KCNQ1: variants seen among roughly 807,000 people sequenced by gnomAD.
KCNQ1 encodes potassium voltage-gated channel subfamily KQT member 1.
Under a neutral mutation model 72.4 loss-of-function variants are expected in KCNQ1, and 49 were observed. The observed-to-expected ratio is 0.68, with a 90% CI of 0.54 to 0.86. The LOEUF (loss-of-function observed/expected upper bound fraction) is 0.86, where lower values mean the gene tolerates loss of function less well. Among genes scored for constraint, KCNQ1 ranks in the 40% least tolerant of loss-of-function variants. The pLI is 0.00. For synonymous variants in KCNQ1, 450 were observed against 412.6 expected (o/e 1.09, Z -1.10); for missense variants, 790 against 945.1 (o/e 0.84, Z 2.15).
In KCNQ1 at chr11:2,654,632, C is replaced by T. The variant is rs1849810207; in HGVS notation, c.1394-7329C>T. The T allele has an allele frequency of 2.5e-6, 1 of 398,668 alleles. No homozygotes were observed. The highest frequency in any genetic ancestry group is 4.4e-6 in the Non-Finnish European group (1 of 226,250). 24.7% of individuals were successfully genotyped at this position (398,668 alleles called of 1,614,324 possible). A position where few individuals can be genotyped will look rare whatever the true frequency, so the allele number is the denominator to read the frequency against. ...GAAGTTACTAGGAAGGGCCCAGACA[C>T]TGGCGAGAGTCTCTTGAGGGCAGAG... is the stretch of plus-strand genomic sequence containing the variant. On this transcript the variant is annotated intron_variant, in intron 10 of 15. Coordinates refer to ENST00000155840, the MANE Select transcript of KCNQ1 (RefSeq NM_000218.3). The surrounding 1 kb of genome is among the most constrained non-coding windows in gnomAD (Gnocchi z 6.4).
chr11:2,523,207 T>C (rs7111699), intron 1 of KCNQ1, among the ~76,000 whole-genome samples: 11,598 of 151,878 alleles, frequency 0.076, 645 homozygotes, highest in African/African-American at 0.15. Context: ...AATTTTTTTT[T>C]TTTTGTGGTG....
chr11:2,593,402 C>T lies in KCNQ1; in HGVS notation c.1393+4548C>T, dbSNP rs887832142. Among the ~76,000 whole-genome samples the T allele has an allele frequency of 3.3e-5, 5 of 152,114 alleles. No homozygotes were observed. Among genetic ancestry groups the T allele is most frequent in the Non-Finnish European group, 7.4e-5 (5 of 68,004 alleles). On this transcript the variant is annotated intron_variant, in intron 10 of 15. Coordinates refer to ENST00000155840, the MANE Select transcript of KCNQ1 (RefSeq NM_000218.3). The surrounding 1 kb of genome is among the most constrained non-coding windows in gnomAD (Gnocchi z 6.9). ...CAGAGGCCTTTTGCTGCTCAGAGAA[C>T]ACTGGGCTGTAAGGTCGTGGTCTGT...
chr11:2,689,932 C>G, intron 11 of KCNQ1: 1 of 398,814 alleles, frequency 2.5e-6, no homozygotes, highest in Non-Finnish European at 4.4e-6. Flanking sequence ...CCCAGGCTGC[C>G]TCACCCAACG....
chr11:2,599,682 C>G lies in KCNQ1; in HGVS notation c.1393+10828C>G, dbSNP rs994871206. 6.6e-6 allele frequency among the ~76,000 whole-genome samples: 1 copy of G among 152,192 alleles called. No homozygotes were observed. The highest frequency in any genetic ancestry group is 2.4e-5 in the African/African-American group (1 of 41,456). ...GGCTGCTTTCCCTGAGGCCTCTTTC[C>G]TTGCCTTGCAGATGGCCGCCTTCTT... On this transcript the variant is annotated intron_variant, in intron 10 of 15. Transcript: ENST00000155840. The surrounding 1 kb of genome is among the most constrained non-coding windows in gnomAD (Gnocchi z 4.7).
In KCNQ1 at chr11:2,658,103, A is replaced by G. The variant is rs1194913779; in HGVS notation, c.1394-3858A>G. Reference sequence around the variant, plus strand: ...GGGGTTCAACTCTACCTCCTGCAGGAGAGTATCAAAAAAAATCTGCAAATA... The same window carrying G: ...GGGGTTCAACTCTACCTCCTGCAGGGGAGTATCAAAAAAAATCTGCAAATA... On this transcript the variant is annotated intron_variant, in intron 10 of 15. Transcript: ENST00000155840. The surrounding 1 kb of genome is among the most constrained non-coding windows in gnomAD (Gnocchi z 4.9). The G allele has an allele frequency of 2.5e-6, 1 of 398,472 alleles. No homozygotes were observed. Among genetic ancestry groups the G allele is most frequent in the Non-Finnish European group, 4.4e-6 (1 of 226,060 alleles). The allele number at this position is 398,472 out of a possible 1,614,324, so 24.7% of individuals were successfully genotyped here.
intron 1 of KCNQ1, among the ~76,000 whole-genome samples, chr11:2,522,995 A>G (rs1483305571): frequency 2.0e-5 from 3 of 152,090 alleles, no homozygotes; most frequent in Non-Finnish European, 2.9e-5. Context: ...GTAACTCCAC[A>G]TATCTGAGCC....
chr11:2,539,954 G>T (rs1016677731), intron 2 of KCNQ1, among the ~76,000 whole-genome samples: 1 of 152,214 alleles, frequency 6.6e-6, no homozygotes, highest in Non-Finnish European at 1.5e-5. Context: ...CGCTTGAAGC[G>T]CAGGGCAGCA....
chr11:2,761,883 A>G (rs1846401817), intron 11 of KCNQ1, among the ~76,000 whole-genome samples: 1 of 152,242 alleles, frequency 6.6e-6, no homozygotes, highest in South Asian at 2.1e-4. Context: ...GGGAGTTGGC[A>G]GGAGGGGAGG....
chr11:2,711,965 C>T lies in KCNQ1; in HGVS notation c.1514+49884C>T, dbSNP rs1851015675. 6.6e-6 allele frequency among the ~76,000 whole-genome samples: 1 copy of T among 152,094 alleles called. No homozygotes were observed. Among genetic ancestry groups the T allele is most frequent in the Non-Finnish European group, 1.5e-5 (1 of 68,020 alleles). ...CCTGTGTCCATCCCCTTGGGCAGCA[C>T]ACAGCCAAGTCCTTTTGGACCAAAT... On this transcript the variant is annotated intron_variant, in intron 11 of 15. Transcript: ENST00000155840. This position sits in a 1 kb window ranked among gnomAD's most constrained non-coding sequence, Gnocchi z 5.4.
chr11:2,476,615 C>G (rs1479702150), intron 1 of KCNQ1, among the ~76,000 whole-genome samples: 1 of 152,138 alleles, frequency 6.6e-6, no homozygotes, highest in African/African-American at 2.4e-5. Context: ...CTTATAATTT[C>G]AATCATGGAA....
Position 2,473,145 on chromosome 11 carries a change from T to A in KCNQ1, c.386+27661T>A, listed in dbSNP as rs1318500291. Among the ~76,000 whole-genome samples the A allele has an allele frequency of 6.6e-6, 1 of 152,134 alleles. No individual in the cohort carries two copies. The highest frequency in any genetic ancestry group is 1.5e-5 in the Non-Finnish European group (1 of 68,026). ...GGATTAACTCCCCTGTGCTGGAAGC[T>A]GCAGGAGCTGCTGCCTGTGGCTGAG... is the stretch of plus-strand genomic sequence containing the variant. On this transcript the variant is annotated intron_variant, in intron 1 of 15. Coordinates refer to ENST00000155840, the MANE Select transcript of KCNQ1 (RefSeq NM_000218.3). This position sits in a 1 kb window ranked among gnomAD's most constrained non-coding sequence, Gnocchi z 6.0.
intron 11 of KCNQ1, chr11:2,694,148 C>T: frequency 2.5e-6 from 1 of 398,666 alleles, no homozygotes; most frequent in Non-Finnish European, 4.4e-6. Flanking sequence ...ATACTGCTGA[C>T]CAGGGAAGAG....
rs371261775 is a variant in KCNQ1 at position 2,844,931 on chromosome 11, G to A, written c.1795-2836G>A. ...ACCTCGTTCCACACTACCAGTATGCGGGGCCCAGGGAGCTGAGGTGAGCCC... is the reference window on the plus strand; with the variant it reads ...ACCTCGTTCCACACTACCAGTATGCAGGGCCCAGGGAGCTGAGGTGAGCCC... On this transcript the variant is annotated intron_variant, in intron 15 of 15. Transcript: ENST00000155840. Among the ~76,000 whole-genome samples the A allele has an allele frequency of 7.9e-5, 12 of 152,220 alleles. 1 individual carries two copies. The highest frequency in any genetic ancestry group is 3.9e-4 in the Admixed American group (6 of 15,288).
intron 9 of KCNQ1, 52 bp downstream of exon 9, chr11:2,587,744 A>T: frequency 6.2e-7 from 1 of 1,612,332 alleles, no homozygotes; most frequent in Non-Finnish European, 8.5e-7. Flanking sequence ...GCAGGTGGGG[A>T]GGCCGTGGGG....
intron 1 of KCNQ1, among the ~76,000 whole-genome samples, chr11:2,449,973 C>T (rs1846100339): frequency 6.6e-6 from 1 of 152,154 alleles, no homozygotes; most frequent in Admixed American, 6.5e-5. Context: ...GAGCTCATGC[C>T]TTCCAGCGAT....
rs938822479 is a variant in KCNQ1, at chr11:2,471,428, A to T, written c.386+25944A>T. Among the ~76,000 whole-genome samples, 11 of 152,300 alleles carry T rather than the reference A, an allele frequency of 7.2e-5. 1 individual carries two copies. Among genetic ancestry groups the T allele is most frequent in the African/African-American group, 2.6e-4 (11 of 41,570 alleles). ...ACAGCCTCTGACACTCCACGGCACT[A>T]AAGTGTCAAGAGACCCAGGGGACCT... On this transcript the variant is annotated intron_variant, in intron 1 of 15. Coordinates refer to ENST00000155840, the MANE Select transcript of KCNQ1 (RefSeq NM_000218.3). This position sits in a 1 kb window ranked among gnomAD's most constrained non-coding sequence, Gnocchi z 4.8.
chr11:2,557,135 A>G (rs76439545), intron 2 of KCNQ1, among the ~76,000 whole-genome samples: 2 of 152,248 alleles, frequency 1.3e-5, no homozygotes, highest in East Asian at 3.8e-4. Flanking sequence ...AGAGAGGCCA[A>G]GAAACTGCAA....
In KCNQ1 at chr11:2,627,916, A is replaced by G. The variant is rs907950279; in HGVS notation, c.1394-34045A>G. The G allele has an allele frequency of 1.0e-5, 4 of 398,372 alleles. No individual in the cohort carries two copies. In the South Asian group the frequency reaches 5.1e-4, roughly 51 times the overall value. 24.7% of individuals were successfully genotyped at this position (398,372 alleles called of 1,614,324 possible). On this transcript the variant is annotated intron_variant, in intron 10 of 15. Coordinates refer to ENST00000155840, the MANE Select transcript of KCNQ1 (RefSeq NM_000218.3). The surrounding 1 kb of genome is among the most constrained non-coding windows in gnomAD (Gnocchi z 4.9). ...CAGTCATGCACCCCCATGCCCAGCT[A>G]ATTTTTAAAATTTTATGTAGAGATA... is the stretch of plus-strand genomic sequence containing the variant.
At chr11:2,542,558 A>G (rs1317588034) in intron 2 of KCNQ1, among the ~76,000 whole-genome samples, 2 of 152,218 alleles carry the variant, frequency 1.3e-5, no homozygotes, top group African/African-American at 4.8e-5. Flanking sequence ...CACAATTGAG[A>G]CAGCAGGCAC....
Sources: allele counts gnomAD v4.1 joint callset (sites outside exome capture counted in the v4.1 genomes callset), GRCh38; gene constraint gnomAD v4.1.1; non-coding constraint Gnocchi (gnomAD v3.1); transcripts MANE v1.5; gene names NCBI Gene and HGNC (gene_info 2026-07-23, HGNC 2026-07-21).